Variants in KREMEN1 observed in about 807,000 individuals in gnomAD.
KREMEN1 encodes the protein kringle containing transmembrane protein 1.
In KREMEN1, 30 loss-of-function variants were observed where a neutral mutation model predicts 46.5. The ratio of observed to expected loss-of-function variants is 0.65; its 90% CI spans 0.48 to 0.88. KREMEN1 has a LOEUF of 0.88. KREMEN1 is among the 40% of genes least tolerant of loss of function. The pLI, the probability that KREMEN1 is intolerant of heterozygous loss-of-function variation, is 0.00. For missense variants in KREMEN1, 533 were observed against 596.9 expected (o/e 0.89, Z 1.11); for synonymous variants, 214 against 230.6 (o/e 0.93, Z 0.65).
intron 3 of KREMEN1, among the ~76,000 whole-genome samples, chr22:29,101,108 C>T (rs1241031256): frequency 6.6e-6 from 1 of 151,782 alleles, no homozygotes; most frequent in Admixed American, 6.6e-5. Flanking sequence ...AAAAATTAGC[C>T]AGGTTTGGTG....
intron 3 of KREMEN1, among the ~76,000 whole-genome samples, chr22:29,104,642 C>G (rs988086637): frequency 2.0e-5 from 3 of 152,198 alleles, no homozygotes; most frequent in African/African-American, 7.2e-5. Context: ...CGCAGTGGCT[C>G]ACGCCTGTAA....
At chr22:29,147,338 A>G (rs1219520153), downstream of KREMEN1, among the ~76,000 whole-genome samples, 1 of 152,226 alleles carries the variant, frequency 6.6e-6, no homozygotes, top group African/African-American at 2.4e-5. Context: ...CTTAGGAAGG[A>G]AAGAAGCTAA....
chr22:29,144,720 A>AG lies in KREMEN1; in HGVS notation c.*2613dup. The AG allele has an allele frequency of 7.1e-6, 7 of 985,508 alleles. No individual in the cohort carries two copies. The highest frequency in any genetic ancestry group is 8.4e-6 in the Non-Finnish European group (7 of 829,982). 61.0% of individuals were successfully genotyped at this position (985,508 alleles called of 1,614,324 possible). A position where few individuals can be genotyped will look rare whatever the true frequency, so the allele number is the denominator to read the frequency against. On this transcript the variant is annotated 3_prime_UTR_variant, in exon 9 of 9. Transcript: ENST00000400335. The stretch of plus-strand genomic sequence containing the variant: ...GGCCCCAGGAAGAGTTCACCCGGCC[A>AG]GGGGGCAGTTGTTCAGTTGCCTGGG...
At chr22:29,163,561 G>C (rs191065457) in intron 9 of KREMEN1, among the ~76,000 whole-genome samples, 1 of 152,138 alleles carries the variant, frequency 6.6e-6, no homozygotes, top group Admixed American at 6.5e-5. Context: ...ATTTTTAGTA[G>C]AGACAGGGTT....
intron 1 of KREMEN1, among the ~76,000 whole-genome samples, chr22:29,091,726 A>G (rs1000325978): frequency 6.6e-6 from 1 of 152,186 alleles, no homozygotes; most frequent in Non-Finnish European, 1.5e-5. Context: ...TACATACCAC[A>G]CACATTGTCT....
chr22:29,118,619 T>G (rs1340278367), intron 3 of KREMEN1, among the ~76,000 whole-genome samples: 1 of 152,088 alleles, frequency 6.6e-6, no homozygotes. Flanking sequence ...CTTCCTCATA[T>G]AAGGGCAGTG....
At position 29,143,023 on chromosome 22, in the gene KREMEN1, G is replaced by A. The variant is rs568589593; in HGVS notation, c.*911G>A. The A allele has an allele frequency of 6.4e-4, 289 of 450,872 alleles. No homozygotes were observed. The highest frequency in any genetic ancestry group is 8.0e-4 in the Non-Finnish European group (272 of 342,060). The allele number at this position is 450,872 out of a possible 1,614,324, so 27.9% of individuals were successfully genotyped here. A position where few individuals can be genotyped will look rare whatever the true frequency, so the allele number is the denominator to read the frequency against. On this transcript the variant is annotated 3_prime_UTR_variant, in exon 9 of 9. Transcript: ENST00000400335. ...AAATTAGTCAGGCGTGGTGGCAGGC[G>A]CCTGTAATCCCAGCTACTCAGAAGG...
At chr22:29,117,382 ATG>A (rs2145804304) in intron 3 of KREMEN1, among the ~76,000 whole-genome samples, 1 of 152,292 alleles carries the variant, frequency 6.6e-6, no homozygotes, top group East Asian at 1.9e-4. Context: ...CCTGGCTAAC[ATG>A]GTGAAACCCT....
chr22:29,153,550 C>T (rs1174534571), intron 9 of KREMEN1, among the ~76,000 whole-genome samples: 4 of 152,010 alleles, frequency 2.6e-5, no homozygotes, highest in Non-Finnish European at 5.9e-5. Context: ...GTAGAGACAG[C>T]GTCTCACTAT....
intron 3 of KREMEN1, among the ~76,000 whole-genome samples, chr22:29,100,754 G>A (rs1023828343): frequency 6.6e-6 from 1 of 152,308 alleles, no homozygotes; most frequent in African/African-American, 2.4e-5. Flanking sequence ...AGAAGGCATT[G>A]TTTTCACAGA....
At chr22:29,157,502 T>C (rs2038973802) in intron 9 of KREMEN1, among the ~76,000 whole-genome samples, 1 of 152,210 alleles carries the variant, frequency 6.6e-6, no homozygotes, top group South Asian at 2.1e-4. Flanking sequence ...CACGCCCAGC[T>C]AATTTTTGTA....
At chr22:29,075,109 C>T (rs2037546160) in intron 1 of KREMEN1, among the ~76,000 whole-genome samples, 2 of 152,136 alleles carry the variant, frequency 1.3e-5, no homozygotes, top group African/African-American at 4.8e-5. Context: ...TCTGAGTGAT[C>T]ACCGTCTTTT....
chr22:29,105,478 T>TACAC (rs10642386), intron 3 of KREMEN1, among the ~76,000 whole-genome samples: 44,511 of 146,862 alleles, frequency 0.3, 7,966 homozygotes, highest in Middle Eastern at 0.43. Flanking sequence ...CACACACACA[T>TACAC]ACACACACAC....
At chr22:29,155,167 CAAAGGCACCAGCA>C (rs2038950351) in intron 9 of KREMEN1, among the ~76,000 whole-genome samples, 1 of 151,684 alleles carries the variant, frequency 6.6e-6, no homozygotes, top group Admixed American at 6.6e-5. Flanking sequence ...TATGTGTATA[CAAAGGCACCAGCA>C]AAGTCCTGCA....
intron 5 of KREMEN1, among the ~76,000 whole-genome samples, chr22:29,130,142 AC>A (rs1348387656): frequency 1.3e-5 from 2 of 152,188 alleles, no homozygotes; most frequent in African/African-American, 4.8e-5. Context: ...CTTAATTCTC[AC>A]AGTACTGTGA....
At chr22:29,080,050 T>G (rs1038403485) in intron 1 of KREMEN1, among the ~76,000 whole-genome samples, 2 of 152,220 alleles carry the variant, frequency 1.3e-5, no homozygotes, top group Non-Finnish European at 2.9e-5. Flanking sequence ...TAAAATACAG[T>G]GGAAATCTAC....
chr22:29,159,404 AG>A (rs2038991414), intron 9 of KREMEN1, among the ~76,000 whole-genome samples: 1 of 150,734 alleles, frequency 6.6e-6, no homozygotes, highest in South Asian at 2.2e-4. Flanking sequence ...GTGGATCTTG[AG>A]GTCAGGAGTT....
intron 3 of KREMEN1, among the ~76,000 whole-genome samples, chr22:29,118,401 G>A (rs2145806272): frequency 6.6e-6 from 1 of 152,286 alleles, no homozygotes; most frequent in East Asian, 1.9e-4. Context: ...TGAATACCAG[G>A]AAGGGGGGAT....
At chr22:29,084,077 G>C (rs2037697000) in intron 1 of KREMEN1, among the ~76,000 whole-genome samples, 1 of 152,060 alleles carries the variant, frequency 6.6e-6, no homozygotes, top group South Asian at 2.1e-4. Context: ...GGTCATATAG[G>C]GTAACTTCTG....
Sources: gnomAD v4.1 joint callset for allele counts (sites outside exome capture counted in the v4.1 genomes callset) on GRCh38, gnomAD v4.1.1 for gene constraint, MANE v1.5 for transcripts, NCBI Gene and HGNC (gene_info 2026-07-23, HGNC 2026-07-21) for gene names.